Variants in GRM4 observed in about 807,000 individuals in gnomAD.
GRM4 encodes the protein metabotropic glutamate receptor 4.
In GRM4, 28 loss-of-function variants were observed where a neutral mutation model predicts 81.7. The ratio of observed to expected loss-of-function variants is 0.34; its 90% CI spans 0.25 to 0.47. GRM4 has a LOEUF of 0.47. GRM4 is among the 20% of genes least tolerant of loss of function. The pLI, the probability that GRM4 is intolerant of heterozygous loss-of-function variation, is 1.00. For missense variants in GRM4, 948 were observed against 1,290.0 expected (o/e 0.73, Z 4.06); for synonymous variants, 488 against 528.8 (o/e 0.92, Z 1.06).
chr6:34,056,498 G>A (rs773554853), intron 6 of GRM4, 46 bp downstream of exon 6: 8 of 1,558,016 alleles, frequency 5.1e-6, no homozygotes, highest in African/African-American at 4.1e-5. Flanking sequence ...GGCCCTCCCC[G>A]GCTCCTCCTA....
chr6:34,087,222 C>T (rs1435959455), intron 3 of GRM4, among the ~76,000 whole-genome samples: 1 of 151,596 alleles, frequency 6.6e-6, no homozygotes, highest in African/African-American at 2.4e-5. Context: ...GATTCGAGAC[C>T]AACCGGGCCA....
At chr6:34,046,982 CCAAA>C (rs908853811) in intron 6 of GRM4, among the ~76,000 whole-genome samples, 2 of 152,232 alleles carry the variant, frequency 1.3e-5, no homozygotes, top group African/African-American at 2.4e-5. Flanking sequence ...GTGTCATGGA[CCAAA>C]CAAACACACA....
At chr6:34,117,313 G>C (rs1449446250) in intron 2 of GRM4, among the ~76,000 whole-genome samples, 3 of 152,170 alleles carry the variant, frequency 2.0e-5, no homozygotes, top group Admixed American at 6.5e-5. Context: ...GCCGGAGGGA[G>C]GGAACAAAGA....
intron 2 of GRM4, among the ~76,000 whole-genome samples, chr6:34,098,032 G>A (rs1455915977): frequency 6.6e-6 from 1 of 152,180 alleles, no homozygotes; most frequent in Non-Finnish European, 1.5e-5. Context: ...CCAGGGCTGT[G>A]TGACCCAGCT....
rs1231165861 is a variant in GRM4 at position 34,078,785 on chromosome 6, C to T, written c.736+13098G>A. 6.6e-6 allele frequency among the ~76,000 whole-genome samples: 1 copy of T among 152,172 alleles called. No homozygotes were observed. Among genetic ancestry groups the T allele is most frequent in the East Asian group, 1.9e-4 (1 of 5,184 alleles). ...CCATATCCCAAGGCCTCCCTGGGGC[C>T]CCAAGCCGTCTGCAAGAGTCGTTAG... On this transcript the variant is annotated intron_variant, in intron 3 of 10. Transcript: ENST00000538487. This position sits in a 1 kb window ranked among gnomAD's most constrained non-coding sequence, Gnocchi z 4.8.
At chr6:34,125,479 G>A (rs2127506885) in intron 2 of GRM4, among the ~76,000 whole-genome samples, 1 of 152,330 alleles carries the variant, frequency 6.6e-6, no homozygotes, top group East Asian at 1.9e-4. Flanking sequence ...AAGACCCTGG[G>A]CTCACAGTCT....
rs143737236 is a variant in GRM4, at chr6:34,111,388, GCACACACACA to G, written c.520-19299_520-19290del. On this transcript the variant is annotated intron_variant, in intron 2 of 10. Coordinates refer to ENST00000538487, the MANE Select transcript of GRM4 (RefSeq NM_000841.4). The surrounding 1 kb of genome is among the most constrained non-coding windows in gnomAD (Gnocchi z 5.1). Reference sequence around the variant, plus strand: ...CTTGGTGGTAAGTACAACCAACCGTGCACACACACACACACACACACACAAACACACACAC... The same window carrying G: ...CTTGGTGGTAAGTACAACCAACCGTGCACACACACACACAAACACACACAC... Among the ~76,000 whole-genome samples the G allele has an allele frequency of 1.5e-5, 2 of 133,820 alleles. No individual in the cohort carries two copies. Among genetic ancestry groups the G allele is most frequent in the East Asian group, 2.2e-4 (1 of 4,606 alleles). The allele number at this position is 133,820 out of a possible 152,430, so 87.8% of individuals were successfully genotyped here. A position where few individuals can be genotyped will look rare whatever the true frequency, so the allele number is the denominator to read the frequency against.
Position 34,031,491 on chromosome 6 carries a change from G to A in GRM4, c.2443-3125C>T, listed in dbSNP as rs185930172. On this transcript the variant is annotated intron_variant, in intron 9 of 10. Coordinates refer to ENST00000538487, the MANE Select transcript of GRM4 (RefSeq NM_000841.4). ...GCTAGGCCTGGTGGGTACAGGGTTC[G>A]AGGGGCCCCAGTGGGGGCACCAGGG... Among the ~76,000 whole-genome samples the A allele has an allele frequency of 3.3e-4, 51 of 152,276 alleles. 1 individual carries two copies. In the East Asian group the frequency reaches 6.9e-3, roughly 21 times the overall value.
At chr6:34,028,021 G>A (rs765682054) in intron 10 of GRM4, 99 bp downstream of exon 10, 17 of 1,325,020 alleles carry the variant, frequency 1.3e-5, no homozygotes, top group Admixed American at 7.1e-5. Flanking sequence ...ATGGGGCATC[G>A]GGGCAGGGCG....
chr6:34,065,520 G>A (rs1006584492), intron 3 of GRM4, among the ~76,000 whole-genome samples: 2 of 152,162 alleles, frequency 1.3e-5, no homozygotes, highest in Non-Finnish European at 2.9e-5. Context: ...AGGACCATAC[G>A]GGGAGGGGGA....
intron 9 of GRM4, among the ~76,000 whole-genome samples, chr6:34,032,781 C>A (rs1764503136): frequency 6.6e-6 from 1 of 152,076 alleles, no homozygotes; most frequent in Non-Finnish European, 1.5e-5. Context: ...AGTTGGGGGG[C>A]TGGGTTGCAA....
At chr6:34,093,475 T>A (rs947869335) in intron 2 of GRM4, among the ~76,000 whole-genome samples, 4 of 152,194 alleles carry the variant, frequency 2.6e-5, no homozygotes, top group Non-Finnish European at 4.4e-5. Context: ...AGCTTCCTTC[T>A]AGTGGGAGGA....
At chr6:34,040,042 T>G (rs1323057076) in intron 8 of GRM4, 136 bp downstream of exon 8, 3 of 831,494 alleles carry the variant, frequency 3.6e-6, no homozygotes, top group African/African-American at 3.4e-5. Context: ...GAGAGGGCAC[T>G]GGGAAGGAAG....
At position 34,022,444 on chromosome 6, in the gene GRM4, G is replaced by C. The variant is rs1039301339; in HGVS notation, c.*377C>G. The C allele has an allele frequency of 3.2e-5, 8 of 248,382 alleles. No individual in the cohort carries two copies. In the Admixed American group the frequency reaches 3.5e-4, roughly 11 times the overall value. The allele number at this position is 248,382 out of a possible 1,614,324, so 15.4% of individuals were successfully genotyped here. Reference sequence around the variant, plus strand: ...GGGAAAAGGTGAAACAAAGAGATAAGAGAACAGAAAGACAGGGCTGGAGAC... The same window carrying C: ...GGGAAAAGGTGAAACAAAGAGATAACAGAACAGAAAGACAGGGCTGGAGAC... On this transcript the variant is annotated 3_prime_UTR_variant, in exon 11 of 11. Coordinates refer to ENST00000538487, the MANE Select transcript of GRM4 (RefSeq NM_000841.4). The surrounding 1 kb of genome is among the most constrained non-coding windows in gnomAD (Gnocchi z 5.6).
chr6:34,042,796 AG>A lies in GRM4; in HGVS notation c.1169-2049del, dbSNP rs1324034005. ...CACCCTGAAGGCAGACCCAGGGTGC[AG>A]GGGATCTCACTGCCTCTCCCTGAGG... On this transcript the variant is annotated intron_variant, in intron 6 of 10. Transcript: ENST00000538487. The surrounding 1 kb of genome is among the most constrained non-coding windows in gnomAD (Gnocchi z 4.2). Among the ~76,000 whole-genome samples, 13 of 152,234 alleles carry A rather than the reference AG, an allele frequency of 8.5e-5. No homozygotes were observed. The highest frequency in any genetic ancestry group is 4.6e-4 in the Admixed American group (7 of 15,306).
rs1425085852 is a variant in GRM4 at position 34,114,494 on chromosome 6, C to G, written c.519+18484G>C. Among the ~76,000 whole-genome samples, 2 of 152,130 alleles carry G rather than the reference C, an allele frequency of 1.3e-5. No homozygotes were observed. The highest frequency in any genetic ancestry group is 2.9e-5 in the Non-Finnish European group (2 of 68,020). On this transcript the variant is annotated intron_variant, in intron 2 of 10. Transcript: ENST00000538487. The surrounding 1 kb of genome is among the most constrained non-coding windows in gnomAD (Gnocchi z 4.3). ...TCCACACCCAAAGGAATACTTTTAA[C>G]TCCCAAATCCAAGCAGGCACCATCC...
intron 2 of GRM4, among the ~76,000 whole-genome samples, chr6:34,131,802 C>T (rs1770244482): frequency 6.6e-6 from 1 of 152,210 alleles, no homozygotes; most frequent in African/African-American, 2.4e-5. Context: ...CTCTCTCAGT[C>T]TACTTCCTAG....
At position 34,092,153 on chromosome 6, in the gene GRM4, G is replaced by C; in HGVS notation, c.520-54C>G. On this transcript the variant is annotated intron_variant, in intron 2 of 10. Coordinates refer to ENST00000538487, the MANE Select transcript of GRM4 (RefSeq NM_000841.4). The surrounding 1 kb of genome is among the most constrained non-coding windows in gnomAD (Gnocchi z 6.8). ...GGCGACTGGCTCCCCACCCTGCCTA[G>C]CCAGCCCCATTCCCCTACACACCAA... is the stretch of plus-strand genomic sequence containing the variant. The C allele has an allele frequency of 7.9e-7, 1 of 1,258,278 alleles. No homozygotes were observed. The highest frequency in any genetic ancestry group is 1.3e-5 in the South Asian group (1 of 75,350). 77.9% of individuals were successfully genotyped at this position (1,258,278 alleles called of 1,614,324 possible). A position where few individuals can be genotyped will look rare whatever the true frequency, so the allele number is the denominator to read the frequency against.
chr6:34,029,154 C>T (rs528902616), intron 9 of GRM4, among the ~76,000 whole-genome samples: 24 of 152,198 alleles, frequency 1.6e-4, no homozygotes, highest in Admixed American at 6.5e-4. Context: ...AGGCCTCAGC[C>T]GCCCCTCTGA....
Sources: allele counts gnomAD v4.1 joint callset (sites outside exome capture counted in the v4.1 genomes callset), GRCh38; gene constraint gnomAD v4.1.1; non-coding constraint Gnocchi (gnomAD v3.1); transcripts MANE v1.5; gene names NCBI Gene and HGNC (gene_info 2026-07-23, HGNC 2026-07-21).